PARG: variants seen among roughly 807,000 people sequenced by gnomAD.
PARG encodes the protein mitochondrial poly(ADP-ribose) glycohydrolase.
PARG carries 35 observed loss-of-function variants against 113.0 expected under a neutral mutation model. That is an observed-to-expected ratio of 0.31 (90% CI 0.24 to 0.41). The LOEUF (loss-of-function observed/expected upper bound fraction) is 0.41, where lower values mean the gene tolerates loss of function less well. Ranked by LOEUF, PARG falls within the 10% of genes least tolerant of loss-of-function variation. PARG has a pLI of 1.00. For missense variants in PARG, 797 were observed against 1,169.4 expected (o/e 0.68, Z 4.64); for synonymous variants, 330 against 409.9 (o/e 0.81, Z 2.36).
At chr10:49,825,965 G>A (rs532023442) in intron 16 of PARG, among the ~76,000 whole-genome samples, 24 of 152,122 alleles carry the variant, frequency 1.6e-4, no homozygotes, top group African/African-American at 5.8e-4. Context: ...TTGTTTTTTT[G>A]GTAATATTTG....
Position 49,819,405 on chromosome 10 carries a change from T to C in PARG, c.2866A>G (p.Ile956Val). 1.3e-6 allele frequency: 2 copies of C among 1,551,540 alleles called. No homozygotes were observed. The highest frequency in any genetic ancestry group is 1.7e-6 in the Non-Finnish European group (2 of 1,146,808). The change falls in exon 18 of 18, where the codon ATA becomes GTA. Residue 956 changes from isoleucine (I) to valine (V), a missense_variant. Ile to Val is a conservative substitution (Grantham distance 29). Transcript: ENST00000616448. Reference sequence around the variant, plus strand: ...GCACAGGACTCGACAGCATGGTATATGAATGGATAAAGCTTGATGTCTGGT... The same window carrying C: ...GCACAGGACTCGACAGCATGGTATACGAATGGATAAAGCTTGATGTCTGGT... The part of the protein sequence containing the change: ...PGPDIKLYPF[I>V]YHAVESCAET...
chr10:49,828,650 T>A (rs1290689412), intron 16 of PARG, among the ~76,000 whole-genome samples: 1 of 152,218 alleles, frequency 6.6e-6, no homozygotes, highest in African/African-American at 2.4e-5. Context: ...GTCTATTGAA[T>A]GAACTAATAT....
chr10:49,841,252 T>G (rs1554832245), intron 15 of PARG, among the ~76,000 whole-genome samples: 1 of 148,872 alleles, frequency 6.7e-6, no homozygotes, highest in Non-Finnish European at 1.5e-5. Flanking sequence ...AAACTCCATC[T>G]CAAAAAAAAA....
chr10:49,819,820 G>A (rs542531130), intron 17 of PARG, among the ~76,000 whole-genome samples: 209 of 152,282 alleles, frequency 1.4e-3, no homozygotes, highest in South Asian at 0.012. Flanking sequence ...GATGAGCGCT[G>A]GCAGGTCTGA....
At chr10:49,938,222 GT>G (rs1386045916) in intron 1 of PARG, among the ~76,000 whole-genome samples, 4 of 152,084 alleles carry the variant, frequency 2.6e-5, no homozygotes, top group Non-Finnish European at 4.4e-5. Flanking sequence ...ACTTCTAAGG[GT>G]TATGTGGATC....
intron 16 of PARG, among the ~76,000 whole-genome samples, chr10:49,828,141 A>T (rs1844466386): frequency 7.0e-6 from 1 of 143,552 alleles, no homozygotes; most frequent in African/African-American, 2.5e-5. Context: ...TACCCCAACC[A>T]TGAGAAAAGC....
chr10:49,934,987 A>G (rs1310570605), intron 2 of PARG, 89 bp downstream of exon 2: 1 of 655,372 alleles, frequency 1.5e-6, no homozygotes, highest in Non-Finnish European at 2.8e-6. Flanking sequence ...AGAACAGAAA[A>G]GCATGAACAA....
At chr10:49,820,318 C>T (rs772943089) in intron 16 of PARG, 25 bp from the exon 17 acceptor site, 13 of 1,527,432 alleles carry the variant, frequency 8.5e-6, no homozygotes, top group South Asian at 1.2e-5. Context: ...AAAGACACGG[C>T]TATATCATGA....
chr10:49,931,403 C>T (rs1439419418), intron 4 of PARG, among the ~76,000 whole-genome samples: 16 of 152,100 alleles, frequency 1.1e-4, no homozygotes, highest in Admixed American at 5.9e-4. Flanking sequence ...GATTCTGACC[C>T]GCCCTAAACT....
Position 49,843,642 on chromosome 10 carries a change from A to G in PARG, c.2354-10T>C. 6.6e-7 allele frequency: 1 copy of G among 1,517,696 alleles called. No individual in the cohort carries two copies. 94.0% of individuals were successfully genotyped at this position (1,517,696 alleles called of 1,614,324 possible). ...CTGTACTGCTCAGTACCTGAAACAA[A>G]CAATCTGTCACTATTAACTTCACAC... On this transcript the variant is annotated splice_polypyrimidine_tract_variant and intron_variant, in intron 13 of 17. Transcript: ENST00000616448.
rs546758260 is a variant in PARG at position 49,842,016 on chromosome 10, A to G, written c.2475T>C (p.Asp825=). The G allele has an allele frequency of 6.4e-7, 1 of 1,550,528 alleles. No individual in the cohort carries two copies. Among genetic ancestry groups the G allele is most frequent in the African/African-American group, 1.4e-5 (1 of 73,182 alleles). The change falls in exon 15 of 18, where the codon GAT becomes GAC. Residue 825 remains aspartate, a synonymous_variant. Coordinates refer to ENST00000616448, the MANE Select transcript of PARG (RefSeq NM_003631.5). ...CGAGGTAGCGTCTGAAGTGAAGAGC[A>G]TCGATGGCAACGATCTCAGTGCAGC... ...QRRCTEIVAI[D]ALHFRRYLDQ...
chr10:49,835,825 T>G (rs918946817), intron 15 of PARG, among the ~76,000 whole-genome samples: 3 of 152,108 alleles, frequency 2.0e-5, no homozygotes, highest in Non-Finnish European at 4.4e-5. Context: ...ACGTGCCGCA[T>G]AGTGATGTTG....
intron 13 of PARG, among the ~76,000 whole-genome samples, chr10:49,856,470 G>A (rs1258830142): frequency 7.8e-4 from 119 of 151,804 alleles, no homozygotes; most frequent in Non-Finnish European, 4.0e-4. Flanking sequence ...ATGAACTATC[G>A]CGCCTGGCCA....
Position 49,906,278 on chromosome 10 carries a change from A to G in PARG, c.1737+9639T>C, listed in dbSNP as rs184623053. Among the ~76,000 whole-genome samples the G allele has an allele frequency of 3.9e-3, 598 of 151,810 alleles. 14 individuals are homozygous for G. The highest frequency in any genetic ancestry group is 0.035 in the Admixed American group (534 of 15,246). On this transcript the variant is annotated intron_variant, in intron 7 of 17. Coordinates refer to ENST00000616448, the MANE Select transcript of PARG (RefSeq NM_003631.5). ...GATTACAGGCTTGAGCCACATGTCCAGCCATGTGGTTCTAAATGATGCCAG... is the reference window on the plus strand; with the variant it reads ...GATTACAGGCTTGAGCCACATGTCCGGCCATGTGGTTCTAAATGATGCCAG...
In PARG at chr10:49,941,931, C is replaced by G; in HGVS notation, c.-206G>C. 1 of 1,009,546 alleles carries G rather than the reference C, an allele frequency of 9.9e-7. No homozygotes were observed. The highest frequency in any genetic ancestry group is 1.5e-6 in the Non-Finnish European group (1 of 660,474). The allele number at this position is 1,009,546 out of a possible 1,614,324, so 62.5% of individuals were successfully genotyped here. A position where few individuals can be genotyped will look rare whatever the true frequency, so the allele number is the denominator to read the frequency against. On this transcript the variant is annotated 5_prime_UTR_variant, in exon 1 of 18. Coordinates refer to ENST00000616448, the MANE Select transcript of PARG (RefSeq NM_003631.5). ...CTGCCTTCCCTCTTCCACTGGCACCCCACCTGCCTCAATGCGCCGCTTTGA... is the reference window on the plus strand; with the variant it reads ...CTGCCTTCCCTCTTCCACTGGCACCGCACCTGCCTCAATGCGCCGCTTTGA...
At chr10:49,878,623 T>TAA (rs554723081) in intron 9 of PARG, among the ~76,000 whole-genome samples, 256 of 132,908 alleles carry the variant, frequency 1.9e-3, no homozygotes, top group African/African-American at 4.5e-3. Flanking sequence ...GTCTTAAAAT[T>TAA]AAAAAAAAAA....
rs202215714 is a variant in PARG at position 49,920,463 on chromosome 10, AATAT to A, written c.1662+1869_1662+1872del. On this transcript the variant is annotated intron_variant, in intron 6 of 17. Coordinates refer to ENST00000616448, the MANE Select transcript of PARG (RefSeq NM_003631.5). The stretch of plus-strand genomic sequence containing the variant: ...CCCAGCCTCAAATTAAAAAAAAAAA[AATAT>A]ATATATATATATATATATATATATA... Among the ~76,000 whole-genome samples, 108 of 47,964 alleles carry A rather than the reference AATAT, an allele frequency of 2.3e-3. 3 individuals are homozygous for A. The highest frequency in any genetic ancestry group is 4.9e-3 in the East Asian group (10 of 2,038). The allele number at this position is 47,964 out of a possible 152,430, so 31.5% of individuals were successfully genotyped here.
chr10:49,941,887 T>C lies in PARG; in HGVS notation c.-162A>G. On this transcript the variant is annotated 5_prime_UTR_variant, in exon 1 of 18. Coordinates refer to ENST00000616448, the MANE Select transcript of PARG (RefSeq NM_003631.5). Reference sequence around the variant, plus strand: ...ATTGCTGATCCGCCGGCCTCCCAAGTCAGGCCGTAAACACTCGCCTGCCTT... The same window carrying C: ...ATTGCTGATCCGCCGGCCTCCCAAGCCAGGCCGTAAACACTCGCCTGCCTT... 7.5e-7 allele frequency: 1 copy of C among 1,325,260 alleles called. No individual in the cohort carries two copies. Among genetic ancestry groups the C allele is most frequent in the Non-Finnish European group, 1.0e-6 (1 of 953,810 alleles). 82.1% of individuals were successfully genotyped at this position (1,325,260 alleles called of 1,614,324 possible). A position where few individuals can be genotyped will look rare whatever the true frequency, so the allele number is the denominator to read the frequency against.
chr10:49,938,328 T>C (rs1405508925), intron 1 of PARG, among the ~76,000 whole-genome samples: 1 of 152,194 alleles, frequency 6.6e-6, no homozygotes, highest in Non-Finnish European at 1.5e-5. Context: ...CTTTTTTTTT[T>C]CCACTGAGAT....
Sources: allele counts gnomAD v4.1 joint callset (sites outside exome capture counted in the v4.1 genomes callset), GRCh38; gene constraint gnomAD v4.1.1; transcripts MANE v1.5; gene names NCBI Gene and HGNC (gene_info 2026-07-23, HGNC 2026-07-21).